Variants in ZFAND3 observed in about 807,000 individuals in gnomAD.
ZFAND3 encodes the protein zinc finger AN1-type containing 3.
ZFAND3 carries 10 observed loss-of-function variants against 29.6 expected under a neutral mutation model. The observed-to-expected ratio is 0.34, with a 90% CI of 0.21 to 0.57. The LOEUF (loss-of-function observed/expected upper bound fraction) is 0.57. ZFAND3 is among the 20% of genes least tolerant of loss of function. The pLI is 0.86. For synonymous variants in ZFAND3, 128 were observed against 112.6 expected (o/e 1.14, Z -0.87); for missense variants, 230 against 304.5 (o/e 0.76, Z 1.82).
intron 3 of ZFAND3, among the ~76,000 whole-genome samples, chr6:38,078,060 C>T (rs17589683): frequency 0.067 from 10,149 of 152,240 alleles, 453 homozygotes; most frequent in Middle Eastern, 0.1. Flanking sequence ...AGTGAGTATG[C>T]AGATTTGACC....
chr6:38,103,102 A>G (rs1193556046), intron 4 of ZFAND3, among the ~76,000 whole-genome samples: 1 of 152,182 alleles, frequency 6.6e-6, no homozygotes, highest in Non-Finnish European at 1.5e-5. Context: ...TGAAAACAGC[A>G]TTGCCCATCT....
intron 2 of ZFAND3, among the ~76,000 whole-genome samples, chr6:37,940,338 C>G (rs949533267): frequency 6.6e-6 from 1 of 152,100 alleles, no homozygotes; most frequent in Non-Finnish European, 1.5e-5. Flanking sequence ...TGACATTTTT[C>G]CTGGATATAA....
At chr6:37,927,472 T>A (rs572290825) in intron 1 of ZFAND3, among the ~76,000 whole-genome samples, 1 of 152,096 alleles carries the variant, frequency 6.6e-6, no homozygotes, top group African/African-American at 2.4e-5. Flanking sequence ...GAGGGGACAA[T>A]CCCAATATTC....
chr6:37,916,065 G>A (rs1001402074), intron 1 of ZFAND3, among the ~76,000 whole-genome samples: 35 of 147,824 alleles, frequency 2.4e-4, no homozygotes, highest in Non-Finnish European at 1.0e-4. Context: ...CACTGTGCCC[G>A]GCTGCTGTGT....
chr6:37,881,385 CTA>C (rs1764892179), intron 1 of ZFAND3, among the ~76,000 whole-genome samples: 1 of 152,198 alleles, frequency 6.6e-6, no homozygotes, highest in Non-Finnish European at 1.5e-5. Flanking sequence ...TGTGCCCAGC[CTA>C]TGATAGTCTT....
At chr6:38,046,532 C>G (rs1396887233) in intron 2 of ZFAND3, among the ~76,000 whole-genome samples, 1 of 152,180 alleles carries the variant, frequency 6.6e-6, no homozygotes, top group East Asian at 1.9e-4. Context: ...ATTGGATTAA[C>G]TAGGTATGAG....
intron 3 of ZFAND3, among the ~76,000 whole-genome samples, chr6:38,070,541 C>A (rs946956908): frequency 2.6e-5 from 4 of 152,042 alleles, no homozygotes; most frequent in African/African-American, 4.8e-5. Flanking sequence ...ATCTGCCTTA[C>A]TCCTGCATAA....
chr6:37,993,433 TCTC>T (rs1762794837), intron 2 of ZFAND3, among the ~76,000 whole-genome samples: 1 of 152,092 alleles, frequency 6.6e-6, no homozygotes, highest in South Asian at 2.1e-4. Context: ...TCGAAGCCAT[TCTC>T]CTGCCTCACC....
chr6:37,971,182 G>A (rs1275470704), intron 2 of ZFAND3, among the ~76,000 whole-genome samples: 1 of 152,130 alleles, frequency 6.6e-6, no homozygotes, highest in East Asian at 1.9e-4. Context: ...AAGTGCTTTT[G>A]TAGTTCTTGT....
At chr6:38,060,741 G>A (rs1764221026) in intron 2 of ZFAND3, among the ~76,000 whole-genome samples, 1 of 152,078 alleles carries the variant, frequency 6.6e-6, no homozygotes, top group Non-Finnish European at 1.5e-5. Flanking sequence ...GTGAGCTACT[G>A]TGCCCTGCCT....
chr6:38,108,769 A>G lies in ZFAND3; in HGVS notation c.362-7803A>G, dbSNP rs961557654. Among the ~76,000 whole-genome samples the G allele has an allele frequency of 7.2e-5, 11 of 152,348 alleles. 1 individual carries two copies. The highest frequency in any genetic ancestry group is 3.3e-4 in the Admixed American group (5 of 15,308). ...TCCTCTGGCAGACACACCCAGACAC[A>G]TGCAGAAACAATACTTTATCAGCCA... On this transcript the variant is annotated intron_variant, in intron 4 of 5. Coordinates refer to ENST00000287218, the MANE Select transcript of ZFAND3 (RefSeq NM_021943.3).
At chr6:37,833,617 G>A (rs772311680) in intron 1 of ZFAND3, among the ~76,000 whole-genome samples, 5 of 152,052 alleles carry the variant, frequency 3.3e-5, no homozygotes, top group Non-Finnish European at 7.4e-5. Flanking sequence ...TTGAGGTCAG[G>A]AGTTAGAGAC....
At chr6:37,944,638 A>G (rs987064510) in intron 2 of ZFAND3, among the ~76,000 whole-genome samples, 1 of 152,216 alleles carries the variant, frequency 6.6e-6, no homozygotes, top group African/African-American at 2.4e-5. Flanking sequence ...TACAGCGTAT[A>G]TCACGTGGAG....
Position 38,034,274 on chromosome 6 carries a change from G to A in ZFAND3, c.113-27319G>A, listed in dbSNP as rs912333369. On this transcript the variant is annotated intron_variant, in intron 2 of 5. Coordinates refer to ENST00000287218, the MANE Select transcript of ZFAND3 (RefSeq NM_021943.3). ...CTTCTCCACCTCTACTCCAACCCAT[G>A]CAAGAAATGGAGATGTTAAAATGCA... is the stretch of plus-strand genomic sequence containing the variant. 2.6e-5 allele frequency among the ~76,000 whole-genome samples: 4 copies of A among 152,206 alleles called. No individual in the cohort carries two copies. In the South Asian group the frequency reaches 6.2e-4, roughly 24 times the overall value.
chr6:38,067,232 T>C (rs1486750746), intron 3 of ZFAND3, among the ~76,000 whole-genome samples: 2 of 152,370 alleles, frequency 1.3e-5, no homozygotes, highest in South Asian at 2.1e-4. Flanking sequence ...ATACTTATTT[T>C]CCATCTGTAT....
At chr6:38,030,653 A>G (rs1002195680) in intron 2 of ZFAND3, among the ~76,000 whole-genome samples, 10 of 152,186 alleles carry the variant, frequency 6.6e-5, no homozygotes, top group Non-Finnish European at 1.3e-4. Flanking sequence ...AAAGAAAACA[A>G]TTGTCAAGTT....
At chr6:37,873,841 T>C (rs987395077) in intron 1 of ZFAND3, among the ~76,000 whole-genome samples, 2 of 152,196 alleles carry the variant, frequency 1.3e-5, no homozygotes, top group Non-Finnish European at 2.9e-5. Context: ...TCATAGGTAA[T>C]ACATAAACGA....
Position 38,061,894 on chromosome 6 carries a change from A to G in ZFAND3, c.295+119A>G, listed in dbSNP as rs191897293. 8,597 of 1,227,296 alleles carry G rather than the reference A, an allele frequency of 7.0e-3. 54 individuals are homozygous for G. The highest frequency in any genetic ancestry group is 8.9e-3 in the Non-Finnish European group (8,030 of 899,180). The allele number at this position is 1,227,296 out of a possible 1,614,324, so 76.0% of individuals were successfully genotyped here. ...TTCTTTTAATTCAAGATAAGTGTCC[A>G]CATACAAGGCCCAAGCTCAGCAAGT... is the stretch of plus-strand genomic sequence containing the variant. On this transcript the variant is annotated intron_variant, in intron 3 of 5. Transcript: ENST00000287218.
chr6:38,037,378 T>C (rs184852067), intron 2 of ZFAND3, among the ~76,000 whole-genome samples: 84 of 152,266 alleles, frequency 5.5e-4, no homozygotes, highest in African/African-American at 1.8e-3. Flanking sequence ...GGTAGTTGAG[T>C]TGTAAATTCA....
Sources: allele counts gnomAD v4.1 joint callset (sites outside exome capture counted in the v4.1 genomes callset), GRCh38; gene constraint gnomAD v4.1.1; transcripts MANE v1.5; gene names NCBI Gene and HGNC (gene_info 2026-07-23, HGNC 2026-07-21).